IL1RAPL1: variants seen among roughly 807,000 people sequenced by gnomAD.
The protein encoded by IL1RAPL1 is interleukin 1 receptor accessory protein like 1.
IL1RAPL1 carries 3 observed loss-of-function variants against 48.4 expected under a neutral mutation model. That is an observed-to-expected ratio of 0.06 (90% confidence interval 0.03 to 0.16). IL1RAPL1 has a LOEUF of 0.16. Among genes scored for constraint, IL1RAPL1 ranks in the 10% least tolerant of loss-of-function variants. The probability of loss-of-function intolerance (pLI) is 1.00; values close to 1 mark genes in which losing one functional copy is unlikely to be tolerated. For missense variants in IL1RAPL1, 349 were observed against 530.6 expected, an observed-to-expected ratio of 0.66 and a Z score of 3.36; for synonymous variants, 185 against 187.7, an observed-to-expected ratio of 0.99 and a Z score of 0.12.
intron 1 of IL1RAPL1, among the ~76,000 whole-genome samples, chrX:28,675,640 CATAAT>C (rs1264698322): frequency 9.0e-6 from 1 of 111,526 alleles, no homozygotes; most frequent in East Asian, 2.8e-4. Flanking sequence ...TAACATTGCG[CATAAT>C]ATATTGAGCA....
chrX:29,744,400 C>A (rs896047106), intron 6 of IL1RAPL1, among the ~76,000 whole-genome samples: 1 of 112,244 alleles, frequency 8.9e-6, no homozygotes, highest in Non-Finnish European at 1.9e-5. Flanking sequence ...TGCCATTACT[C>A]TCTCTGCATA....
intron 2 of IL1RAPL1, among the ~76,000 whole-genome samples, chrX:29,261,274 A>G (rs1892451032): frequency 9.0e-6 from 1 of 111,272 alleles, no homozygotes. Flanking sequence ...ACAACCAGGT[A>G]CATGCAGATA....
intron 6 of IL1RAPL1, among the ~76,000 whole-genome samples, chrX:29,837,076 G>A (rs1156890474): frequency 6.5e-5 from 7 of 107,130 alleles, no homozygotes; most frequent in Non-Finnish European, 9.6e-5. Context: ...TGGCTAACAC[G>A]GTGAAACCCC....
intron 6 of IL1RAPL1, among the ~76,000 whole-genome samples, chrX:29,889,848 A>C (rs948292647): frequency 2.7e-5 from 3 of 109,784 alleles, no homozygotes; most frequent in African/African-American, 1.0e-4. Context: ...TTCATCATCT[A>C]TCCTTTTTAA....
rs79525071 is a variant in IL1RAPL1, at chrX:29,955,380, T to C, written c.1651T>C (p.Phe551Leu). Residue 551 changes from phenylalanine to leucine, a missense_variant, in exon 11 of 11, where the codon TTC (phenylalanine) becomes CTC (leucine). Phe to Leu is a conservative substitution (Grantham distance 22). Transcript: ENST00000378993. ...GPKCNKLNSK[F>L]WKRLQYEMPF... The stretch of plus-strand genomic sequence containing the variant: ...AAAATGCAACAAGTTGAACTCCAAG[T>C]TCTGGAAACGTTTACAGTATGAAAT... 3.3e-6 allele frequency: 4 copies of C among 1,211,464 alleles called. No individual in the cohort carries two copies. Among genetic ancestry groups the C allele is most frequent in the Non-Finnish European group, 4.5e-6 (4 of 895,433 alleles).
At chrX:29,600,782 G>A (rs1256348240) in intron 5 of IL1RAPL1, among the ~76,000 whole-genome samples, 2 of 110,866 alleles carry the variant, frequency 1.8e-5, no homozygotes, top group Non-Finnish European at 3.8e-5. Flanking sequence ...CCTGACCAAT[G>A]GAGTTAAGTT....
In IL1RAPL1 at chrX:28,789,431, C is replaced by A. The variant is rs772907236; in HGVS notation, c.82+6C>A. 2.6e-6 allele frequency: 3 copies of A among 1,154,916 alleles called. No individual in the cohort carries two copies. The highest frequency in any genetic ancestry group is 3.5e-6 in the Non-Finnish European group (3 of 845,092). On this transcript the variant is annotated splice_donor_region_variant and intron_variant, in intron 2 of 10. Coordinates refer to ENST00000378993, the MANE Select transcript of IL1RAPL1 (RefSeq NM_014271.4). ...TGTGACCAAAAGAGGCTCCGGTAAG[C>A]AGTATTCCTCTATTTTTTATGTGTT...
chrX:28,993,708 G>T (rs757416841), intron 2 of IL1RAPL1, among the ~76,000 whole-genome samples: 5 of 112,100 alleles, frequency 4.5e-5, no homozygotes, highest in African/African-American at 1.6e-4. Context: ...GAGTATTTGT[G>T]ATTATTAGCT....
chrX:29,391,483 A>G (rs1040720936), intron 3 of IL1RAPL1, among the ~76,000 whole-genome samples: 2 of 111,194 alleles, frequency 1.8e-5, no homozygotes, highest in Non-Finnish European at 3.8e-5. Flanking sequence ...AAATATGAAG[A>G]AAACATAGTA....
intron 2 of IL1RAPL1, among the ~76,000 whole-genome samples, chrX:29,150,452 C>T (rs1046485023): frequency 2.7e-5 from 3 of 110,990 alleles, no homozygotes; most frequent in Non-Finnish European, 5.7e-5. Context: ...TGTTTAAATA[C>T]AGAAATGTGG....
rs1936459714 is a variant in IL1RAPL1 at position 28,784,896 on chromosome X, T to A, written c.-24-4424T>A. On this transcript the variant is annotated intron_variant, in intron 1 of 10. Transcript: ENST00000378993. Reference sequence around the variant, plus strand: ...TGAATCTCTTTTGCCTCAGTTTACATATGTCATCCAGAATTCCCCAGTTAA... The same window carrying A: ...TGAATCTCTTTTGCCTCAGTTTACAAATGTCATCCAGAATTCCCCAGTTAA... 2.7e-5 allele frequency among the ~76,000 whole-genome samples: 3 copies of A among 111,735 alleles called. No individual in the cohort carries two copies. The Admixed American group carries it at 2.9e-4, about 11-fold the overall frequency.
intron 3 of IL1RAPL1, among the ~76,000 whole-genome samples, chrX:29,299,718 G>A (rs1026303687): frequency 1.8e-5 from 2 of 112,190 alleles, no homozygotes; most frequent in African/African-American, 3.2e-5. Context: ...GAAATCTGAT[G>A]GATCAGCATG....
At chrX:29,374,739 A>G (rs2147669325) in intron 3 of IL1RAPL1, among the ~76,000 whole-genome samples, 1 of 109,562 alleles carries the variant, frequency 9.1e-6, no homozygotes, top group Non-Finnish European at 1.9e-5. Flanking sequence ...AGGGGTACCT[A>G]CAGGGTTCTG....
intron 6 of IL1RAPL1, among the ~76,000 whole-genome samples, chrX:29,800,894 G>A (rs1180522618): frequency 2.0e-5 from 2 of 98,887 alleles, no homozygotes; most frequent in Admixed American, 1.1e-4. Flanking sequence ...CAGCTACTCG[G>A]GAGGCTGAGG....
At chrX:28,837,828 T>G (rs1238068048) in intron 2 of IL1RAPL1, among the ~76,000 whole-genome samples, 3 of 106,082 alleles carry the variant, frequency 2.8e-5, no homozygotes, top group Non-Finnish European at 5.8e-5. Flanking sequence ...CTCACCCACA[T>G]AGCAATACCA....
chrX:28,960,870 C>A (rs1322138454), intron 2 of IL1RAPL1, among the ~76,000 whole-genome samples: 1 of 108,917 alleles, frequency 9.2e-6, no homozygotes, highest in East Asian at 2.9e-4. Flanking sequence ...ATTAGCCAGG[C>A]GTGGTGGCGG....
At chrX:29,798,983 GTTC>G (rs1445010441) in intron 6 of IL1RAPL1, among the ~76,000 whole-genome samples, 6 of 111,822 alleles carry the variant, frequency 5.4e-5, no homozygotes, top group Non-Finnish European at 3.8e-5. Flanking sequence ...AGTTATTCAG[GTTC>G]TTCTTTATAT....
At chrX:28,717,429 G>A in intron 1 of IL1RAPL1, among the ~76,000 whole-genome samples, 1 of 111,299 alleles carries the variant, frequency 9.0e-6, no homozygotes, top group Non-Finnish European at 1.9e-5. Context: ...TTTTCTTTTA[G>A]TTGGGAGCTA....
rs534579047 is a variant in IL1RAPL1, at chrX:29,734,027, G to A, written c.778+65523G>A. On this transcript the variant is annotated intron_variant, in intron 6 of 10. Coordinates refer to ENST00000378993, the MANE Select transcript of IL1RAPL1 (RefSeq NM_014271.4). ...TTTCTGCGCAAGTTGAAACAGATGC[G>A]ACCACTGGAAGATTTGCTCACTTAG... 7.1e-5 allele frequency among the ~76,000 whole-genome samples: 8 copies of A among 112,727 alleles called. No individual in the cohort carries two copies. In the South Asian group the frequency reaches 2.6e-3, roughly 36 times the overall value.
Sources: gnomAD v4.1 joint callset for allele counts (sites outside exome capture counted in the v4.1 genomes callset) on GRCh38, gnomAD v4.1.1 for gene constraint, MANE v1.5 for transcripts, NCBI Gene and HGNC (gene_info 2026-07-23, HGNC 2026-07-21) for gene names.